Variants in FGD4 observed in about 807,000 individuals in gnomAD.
FGD4 encodes FYVE, RhoGEF and PH domain containing 4.
Under a neutral mutation model 102.0 loss-of-function variants are expected in FGD4, and 42 were observed. The ratio of observed to expected loss-of-function variants is 0.41; its 90% CI spans 0.32 to 0.53. The LOEUF is 0.53. Ranked by LOEUF, FGD4 falls within the 20% of genes least tolerant of loss-of-function variation. The pLI, the probability that FGD4 is intolerant of heterozygous loss-of-function variation, is 0.21. For missense variants in FGD4, 902 were observed against 1,078.2 expected, an observed-to-expected ratio of 0.84 and a Z score of 2.29; for synonymous variants, 380 against 375.7, an observed-to-expected ratio of 1.01 and a Z score of -0.13.
chr12:32,578,383 C>T (rs1946303667), intron 3 of FGD4, among the ~76,000 whole-genome samples: 1 of 152,126 alleles, frequency 6.6e-6, no homozygotes, highest in African/African-American at 2.4e-5. Flanking sequence ...CTTGCCATTG[C>T]AAGGGTCGTT....
intron 1 of FGD4, among the ~76,000 whole-genome samples, chr12:32,512,186 C>T (rs1195473299): frequency 6.6e-6 from 1 of 151,958 alleles, no homozygotes; most frequent in Non-Finnish European, 1.5e-5. Context: ...GTGGCTCTCA[C>T]CTGTAATCCC....
chr12:32,563,119 G>A (rs1002862211), intron 1 of FGD4, among the ~76,000 whole-genome samples: 6 of 151,098 alleles, frequency 4.0e-5, no homozygotes, highest in Non-Finnish European at 7.4e-5. Flanking sequence ...CCTCCCGGAC[G>A]GGACGGCTGG....
chr12:32,573,010 A>G (rs1945799885), intron 2 of FGD4, among the ~76,000 whole-genome samples: 2 of 152,242 alleles, frequency 1.3e-5, no homozygotes, highest in Admixed American at 6.5e-5. Context: ...TGAAGTATCA[A>G]TTCCTGGGTT....
chr12:32,561,012 A>G (rs1245377801), intron 1 of FGD4, among the ~76,000 whole-genome samples: 1 of 151,240 alleles, frequency 6.6e-6, no homozygotes, highest in Non-Finnish European at 1.5e-5. Flanking sequence ...CTGTTTTACC[A>G]AGATAAATTT....
At position 32,586,119 on chromosome 12, in the gene FGD4, A is replaced by T. The variant is rs187355800; in HGVS notation, c.1011+3652A>T. ...AATTAATACAGAGGTACAAGGCTAG[A>T]TTTAGAAGAGTAAGCTAAGAACAGA... On this transcript the variant is annotated intron_variant, in intron 4 of 16. Coordinates refer to ENST00000534526, the MANE Select transcript of FGD4 (RefSeq NM_001370298.3). Among the ~76,000 whole-genome samples, 45 of 152,286 alleles carry T rather than the reference A, an allele frequency of 3.0e-4. No homozygotes were observed. The East Asian group carries it at 7.5e-3, about 25-fold the overall frequency.
chr12:32,464,318 A>G (rs1488661274), intron 1 of FGD4, among the ~76,000 whole-genome samples: 1 of 151,990 alleles, frequency 6.6e-6, no homozygotes, highest in Non-Finnish European at 1.5e-5. Context: ...TCGCCCGGCT[A>G]ATTTTTTCTG....
In FGD4 at chr12:32,640,700, G is replaced by T; in HGVS notation, c.*167G>T. The stretch of plus-strand genomic sequence containing the variant: ...TTTATGTACTCTTAGTGAAATTAGT[G>T]TGCAGAGTCATTCTACCGATAAAGT... On this transcript the variant is annotated 3_prime_UTR_variant, in exon 17 of 17. Coordinates refer to ENST00000534526, the MANE Select transcript of FGD4 (RefSeq NM_001370298.3). 4 of 924,366 alleles carry T rather than the reference G, an allele frequency of 4.3e-6. No individual in the cohort carries two copies. The highest frequency in any genetic ancestry group is 6.5e-6 in the Non-Finnish European group (4 of 617,156). 57.3% of individuals were successfully genotyped at this position (924,366 alleles called of 1,614,324 possible).
chr12:32,421,915 C>T (rs978871647), intron 1 of FGD4, among the ~76,000 whole-genome samples: 2 of 151,654 alleles, frequency 1.3e-5, no homozygotes, highest in Admixed American at 6.6e-5. Context: ...CTGAGGCAGG[C>T]GGATCATGAG....
At chr12:32,416,751 G>C (rs1179556266) in intron 1 of FGD4, among the ~76,000 whole-genome samples, 1 of 152,002 alleles carries the variant, frequency 6.6e-6, no homozygotes, top group Non-Finnish European at 1.5e-5. Context: ...ATTTCTGATG[G>C]GTTCATGGTT....
intron 1 of FGD4, among the ~76,000 whole-genome samples, chr12:32,469,506 C>G (rs1000148155): frequency 2.0e-5 from 3 of 152,054 alleles, no homozygotes; most frequent in African/African-American, 4.8e-5. Context: ...GTCTCAAACT[C>G]CTGACCTCAG....
chr12:32,530,934 A>G (rs1285457225), intron 1 of FGD4, among the ~76,000 whole-genome samples: 2 of 109,796 alleles, frequency 1.8e-5, no homozygotes, highest in Non-Finnish European at 3.5e-5. Flanking sequence ...TCAGTTTCCT[A>G]GCTTTGGTTT....
chr12:32,486,438 G>A (rs150638389), intron 1 of FGD4, among the ~76,000 whole-genome samples: 38 of 152,336 alleles, frequency 2.5e-4, no homozygotes, highest in African/African-American at 7.7e-4. Flanking sequence ...TTTCCTGAGA[G>A]TAGTGGAAGT....
rs16920118 is a variant in FGD4, at chr12:32,635,281, G to A, written c.2313+1592G>A. On this transcript the variant is annotated intron_variant, in intron 15 of 16. Transcript: ENST00000534526. The stretch of plus-strand genomic sequence containing the variant: ...GAACAGAGCCTCAAGACTTAATAGC[G>A]ACAACTGATGAGACTGGCACAATAT... 4.3e-3 allele frequency among the ~76,000 whole-genome samples: 656 copies of A among 152,278 alleles called. 3 individuals carry two copies. Among genetic ancestry groups the A allele is most frequent in the Non-Finnish European group, 6.4e-3 (438 of 68,016 alleles).
In FGD4 at chr12:32,505,155, A is replaced by G. The variant is rs375130409; in HGVS notation, c.167-58982A>G. Among the ~76,000 whole-genome samples the G allele has an allele frequency of 1.2e-4, 18 of 152,320 alleles. No individual in the cohort carries two copies. In the East Asian group the frequency reaches 1.7e-3, roughly 15 times the overall value. On this transcript the variant is annotated intron_variant, in intron 1 of 16. Transcript: ENST00000534526. ...TCATTGCTAATGCTGCTATGTTCAC[A>G]TGTCCTTGGGGTTGAATCTGTTCGC...
chr12:32,537,741 T>C (rs552901609), intron 1 of FGD4, among the ~76,000 whole-genome samples: 4 of 152,222 alleles, frequency 2.6e-5, no homozygotes, highest in African/African-American at 4.8e-5. Context: ...CCTCAAAATA[T>C]GTTATGCCTT....
intron 1 of FGD4, among the ~76,000 whole-genome samples, chr12:32,498,944 T>G (rs1937995253): frequency 1.3e-5 from 2 of 152,198 alleles, no homozygotes; most frequent in South Asian, 4.1e-4. Flanking sequence ...AATGGAACTC[T>G]AAGGAATTGC....
At chr12:32,570,084 C>CA (rs1179738228) in intron 2 of FGD4, among the ~76,000 whole-genome samples, 1 of 151,672 alleles carries the variant, frequency 6.6e-6, no homozygotes, top group Non-Finnish European at 1.5e-5. Flanking sequence ...ACTAAAGATA[C>CA]AAAAAATTAG....
At position 32,589,254 on chromosome 12, in the gene FGD4, A is replaced by G. The variant is rs377704389; in HGVS notation, c.1011+6787A>G. Among the ~76,000 whole-genome samples, 22 of 152,354 alleles carry G rather than the reference A, an allele frequency of 1.4e-4. 2 individuals are homozygous for G. The highest frequency in any genetic ancestry group is 5.3e-4 in the African/African-American group (22 of 41,574). ...GACTCAAAGCCTAATATGTCATTTA[A>G]TAGATCCAAATTTCAACACATTCTG... On this transcript the variant is annotated intron_variant, in intron 4 of 16. Transcript: ENST00000534526.
At chr12:32,567,662 A>G (rs1163870031) in intron 2 of FGD4, among the ~76,000 whole-genome samples, 1 of 149,410 alleles carries the variant, frequency 6.7e-6, no homozygotes, top group African/African-American at 2.5e-5. Flanking sequence ...TGCTAAGAAG[A>G]TTATAGTCAC....
Sources: gnomAD v4.1 joint callset for allele counts (sites outside exome capture counted in the v4.1 genomes callset) on GRCh38, gnomAD v4.1.1 for gene constraint, MANE v1.5 for transcripts, NCBI Gene and HGNC (gene_info 2026-07-23, HGNC 2026-07-21) for gene names.